TRMT9B: variants seen among roughly 807,000 people sequenced by gnomAD.
The protein encoded by TRMT9B is probable tRNA methyltransferase 9B.
In TRMT9B, 16 loss-of-function variants were observed where a neutral mutation model predicts 11.5. That is an observed-to-expected ratio of 1.39 (90% CI 0.94 to 2.11). The LOEUF (loss-of-function observed/expected upper bound fraction) is 2.11. Ranked by LOEUF, TRMT9B falls within the 30% of genes most tolerant of loss-of-function variation. TRMT9B has a pLI of 0.00. For missense variants in TRMT9B, 941 were observed against 553.8 expected (o/e 1.70, Z -7.02); for synonymous variants, 274 against 192.4 (o/e 1.42, Z -3.51).
intron 1 of TRMT9B, among the ~76,000 whole-genome samples, chr8:12,953,698 A>T (rs1435750610): frequency 6.6e-6 from 1 of 152,200 alleles, no homozygotes; most frequent in Non-Finnish European, 1.5e-5. Context: ...TGGCTGGCTG[A>T]GAATACAGGG....
chr8:12,998,761 A>T (rs1008194448), intron 2 of TRMT9B, among the ~76,000 whole-genome samples: 1 of 152,054 alleles, frequency 6.6e-6, no homozygotes, highest in Admixed American at 6.5e-5. Flanking sequence ...CAGTAGAAAA[A>T]CCTTTTCCCT....
chr8:12,983,014 C>A (rs1048961972), intron 1 of TRMT9B, among the ~76,000 whole-genome samples: 1 of 152,220 alleles, frequency 6.6e-6, no homozygotes, highest in African/African-American at 2.4e-5. Context: ...CCCCACGATG[C>A]CCCACATGGG....
intron 2 of TRMT9B, among the ~76,000 whole-genome samples, chr8:12,998,426 C>G (rs1018882281): frequency 6.6e-6 from 1 of 152,044 alleles, no homozygotes; most frequent in East Asian, 1.9e-4. Flanking sequence ...GTGTGTTTTC[C>G]ATAGAGCTAA....
In TRMT9B at chr8:13,022,174, A is replaced by C; in HGVS notation, c.*130A>C. On this transcript the variant is annotated 3_prime_UTR_variant, in exon 5 of 5. Coordinates refer to ENST00000524591, the MANE Select transcript of TRMT9B (RefSeq NM_020844.3). ...ACGCTTTGGTCTGCAGAGACTATTA[A>C]TTATTTGGTTGTTTTGTTTTCATTT... 1.2e-5 allele frequency: 7 copies of C among 605,112 alleles called. No homozygotes were observed. In the South Asian group the frequency reaches 1.9e-4, roughly 16 times the overall value. The allele number at this position is 605,112 out of a possible 1,614,324, so 37.5% of individuals were successfully genotyped here.
chr8:12,993,026 A>T (rs1807653119), intron 2 of TRMT9B, among the ~76,000 whole-genome samples: 2 of 152,342 alleles, frequency 1.3e-5, no homozygotes, highest in African/African-American at 4.8e-5. Flanking sequence ...GTGAGAGAGA[A>T]TAGACTGCTG....
In TRMT9B at chr8:13,024,045, T is replaced by C. The variant is rs1585450294; in HGVS notation, c.*2001T>C. 1 of 137,614 alleles carries C rather than the reference T, an allele frequency of 7.3e-6. No individual in the cohort carries two copies. The highest frequency in any genetic ancestry group is 2.5e-4 in the South Asian group (1 of 4,012). 8.5% of individuals were successfully genotyped at this position (137,614 alleles called of 1,614,324 possible). A position where few individuals can be genotyped will look rare whatever the true frequency, so the allele number is the denominator to read the frequency against. On this transcript the variant is annotated 3_prime_UTR_variant, in exon 5 of 5. Coordinates refer to ENST00000524591, the MANE Select transcript of TRMT9B (RefSeq NM_020844.3). ...TTAATTTGGTTTCTTCTATTTCTTT[T>C]TTTTTTTTTTTTTTTTGAGACAGAG...
intron 3 of TRMT9B, chr8:13,010,303 A>G (rs1299980185): frequency 1.1e-6 from 1 of 946,682 alleles, no homozygotes; most frequent in African/African-American, 1.8e-5. Context: ...TCATTGCAAA[A>G]TGAAAGATGC....
chr8:12,948,110 G>T (rs1011844493), intron 1 of TRMT9B, among the ~76,000 whole-genome samples: 2 of 152,156 alleles, frequency 1.3e-5, no homozygotes, highest in African/African-American at 4.8e-5. Context: ...GGAAAGTGTT[G>T]TAAAATGCAT....
intron 4 of TRMT9B, among the ~76,000 whole-genome samples, chr8:13,015,448 C>G (rs1301956675): frequency 1.3e-5 from 2 of 152,102 alleles, no homozygotes; most frequent in African/African-American, 2.4e-5. Context: ...ACCTCCTGGT[C>G]TCAGGTTATC....
At chr8:13,011,554 T>C (rs1811613486) in intron 3 of TRMT9B, 2 of 942,182 alleles carry the variant, frequency 2.1e-6, no homozygotes, top group Admixed American at 6.2e-5. Context: ...TTAGATTATA[T>C]ATCTGTGATA....
In TRMT9B at chr8:13,011,205, C is replaced by T. The variant is rs192336992; in HGVS notation, c.155-1479C>T. Reference sequence around the variant, plus strand: ...TTCATCATGTTGGCCAGACTGGTCTCGAACTCCTGCCCTCAAGTGATCCGC... The same window carrying T: ...TTCATCATGTTGGCCAGACTGGTCTTGAACTCCTGCCCTCAAGTGATCCGC... On this transcript the variant is annotated intron_variant, in intron 3 of 4. Coordinates refer to ENST00000524591, the MANE Select transcript of TRMT9B (RefSeq NM_020844.3). The T allele has an allele frequency of 9.0e-5, 57 of 633,798 alleles. 2 individuals carry two copies. The East Asian group carries it at 4.8e-3, about 54-fold the overall frequency. The allele number at this position is 633,798 out of a possible 1,614,324, so 39.3% of individuals were successfully genotyped here.
intron 2 of TRMT9B, among the ~76,000 whole-genome samples, chr8:12,992,623 A>C (rs60954386): frequency 0.25 from 37,236 of 151,850 alleles, 5,459 homozygotes; most frequent in East Asian, 0.6. Context: ...AGGCCGGGTT[A>C]GGCAGATCAC....
At chr8:13,016,087 C>A (rs1812596210) in intron 4 of TRMT9B, among the ~76,000 whole-genome samples, 1 of 144,282 alleles carries the variant, frequency 6.9e-6, no homozygotes, top group Non-Finnish European at 1.5e-5. Flanking sequence ...CCCTAAAAAT[C>A]ATATGGGTAT....
chr8:12,953,212 A>G (rs1233936163), intron 1 of TRMT9B, among the ~76,000 whole-genome samples: 1 of 128,396 alleles, frequency 7.8e-6, no homozygotes, highest in Middle Eastern at 3.6e-3. Context: ...AAATATATCT[A>G]TATTGTTTTC....
At chr8:12,964,446 G>A (rs972071177) in intron 1 of TRMT9B, among the ~76,000 whole-genome samples, 11 of 152,220 alleles carry the variant, frequency 7.2e-5, no homozygotes, top group Admixed American at 2.0e-4. Context: ...TTTTAAATTT[G>A]GAGCCAGAGT....
At chr8:12,994,027 G>A (rs570825703) in intron 2 of TRMT9B, among the ~76,000 whole-genome samples, 4 of 152,302 alleles carry the variant, frequency 2.6e-5, no homozygotes, top group East Asian at 1.9e-4. Context: ...AATTTCCTGG[G>A]CGAGGGAGAA....
In TRMT9B at chr8:13,029,012, G is replaced by A. The variant is rs1389935213; in HGVS notation, c.*6968G>A. The A allele has an allele frequency of 6.0e-6, 1 of 166,672 alleles. No homozygotes were observed. The highest frequency in any genetic ancestry group is 2.4e-5 in the African/African-American group (1 of 41,306). The allele number at this position is 166,672 out of a possible 1,614,324, so 10.3% of individuals were successfully genotyped here. A position where few individuals can be genotyped will look rare whatever the true frequency, so the allele number is the denominator to read the frequency against. On this transcript the variant is annotated 3_prime_UTR_variant, in exon 5 of 5. Coordinates refer to ENST00000524591, the MANE Select transcript of TRMT9B (RefSeq NM_020844.3). ...GCAAACTGTCCTATTTTCTTTATAT[G>A]CTCTCTTAAATATGTATGTCTGTAA... is the stretch of plus-strand genomic sequence containing the variant.
intron 1 of TRMT9B, among the ~76,000 whole-genome samples, chr8:12,975,110 G>A (rs185739254): frequency 1.2e-4 from 18 of 152,020 alleles, no homozygotes; most frequent in Admixed American, 1.2e-3. Context: ...GAAAATTACA[G>A]GAGAGAAGCT....
intron 3 of TRMT9B, among the ~76,000 whole-genome samples, chr8:13,007,968 G>A (rs532484197): frequency 6.6e-6 from 1 of 152,162 alleles, no homozygotes; most frequent in East Asian, 1.9e-4. Flanking sequence ...ATATACAGTT[G>A]ATTGCCATTA....
Sources: allele counts gnomAD v4.1 joint callset (sites outside exome capture counted in the v4.1 genomes callset), GRCh38; gene constraint gnomAD v4.1.1; transcripts MANE v1.5; gene names NCBI Gene and HGNC (gene_info 2026-07-23, HGNC 2026-07-21).